MARK1: variants seen among roughly 807,000 people sequenced by gnomAD.
The protein encoded by MARK1 is serine/threonine-protein kinase MARK1.
A neutral mutation model predicts 96.3 loss-of-function variants in MARK1; 40 were observed. The observed-to-expected ratio is 0.42, with a 90% CI of 0.32 to 0.54. The LOEUF is 0.54. Among genes scored for constraint, MARK1 ranks in the 20% least tolerant of loss-of-function variants. The pLI, the probability that MARK1 is intolerant of heterozygous loss-of-function variation, is 0.16. For missense variants in MARK1, 719 were observed against 984.6 expected (o/e 0.73, Z 3.61); for synonymous variants, 317 against 341.2 (o/e 0.93, Z 0.78).
intron 13 of MARK1, among the ~76,000 whole-genome samples, chr1:220,646,676 A>G (rs1024704530): frequency 6.6e-6 from 1 of 152,216 alleles, no homozygotes; most frequent in African/African-American, 2.4e-5. Context: ...ACAGTAACCA[A>G]AACAGCATGG....
intron 5 of MARK1, among the ~76,000 whole-genome samples, chr1:220,600,838 C>G (rs1269993904): frequency 6.6e-6 from 1 of 151,216 alleles, no homozygotes; most frequent in East Asian, 1.9e-4. Context: ...AAGGATTTAT[C>G]TAGTCTGTAG....
intron 1 of MARK1, among the ~76,000 whole-genome samples, chr1:220,555,051 C>T (rs1206383809): frequency 6.6e-6 from 1 of 152,146 alleles, no homozygotes; most frequent in Non-Finnish European, 1.5e-5. Flanking sequence ...TACATGTCTT[C>T]CAACTGTATT....
chr1:220,572,812 T>C (rs2102815456), intron 1 of MARK1, among the ~76,000 whole-genome samples: 1 of 152,332 alleles, frequency 6.6e-6, no homozygotes, highest in East Asian at 1.9e-4. Flanking sequence ...CTTTCATTTC[T>C]TTAGCATTTT....
intron 11 of MARK1, among the ~76,000 whole-genome samples, chr1:220,633,538 G>A (rs1667787248): frequency 1.3e-5 from 2 of 152,302 alleles, no homozygotes; most frequent in African/African-American, 4.8e-5. Flanking sequence ...CTCTCAAGGA[G>A]CCCTTAGTCT....
chr1:220,539,440 G>A (rs988530906), intron 1 of MARK1, among the ~76,000 whole-genome samples: 1 of 152,144 alleles, frequency 6.6e-6, no homozygotes, highest in Non-Finnish European at 1.5e-5. Context: ...TGGTGGATAA[G>A]CTTTTTGATG....
intron 6 of MARK1, among the ~76,000 whole-genome samples, chr1:220,608,215 A>G (rs1419723914): frequency 6.6e-6 from 1 of 152,102 alleles, no homozygotes; most frequent in Non-Finnish European, 1.5e-5. Flanking sequence ...GCTATTAATT[A>G]TTGCCTCAAT....
intron 14 of MARK1, 38 bp from the exon 15 acceptor site, chr1:220,651,948 T>G: frequency 6.9e-7 from 1 of 1,454,770 alleles, no homozygotes; most frequent in Non-Finnish European, 9.2e-7. Flanking sequence ...ATTTTCCTCT[T>G]TTTTTCCATG....
intron 3 of MARK1, 91 bp from the exon 4 acceptor site, chr1:220,598,240 C>T: frequency 2.2e-6 from 1 of 450,132 alleles, no homozygotes; most frequent in Non-Finnish European, 4.4e-6. Context: ...ATTTTGTAAG[C>T]AGATTAATTT....
In MARK1 at chr1:220,618,265, TTATG is replaced by T; in HGVS notation, c.553-42_553-39del. On this transcript the variant is annotated intron_variant, in intron 7 of 17. Transcript: ENST00000366917. The surrounding 1 kb of genome is among the most constrained non-coding windows in gnomAD (Gnocchi z 4.6). ...AAACTCTTTTACAAATATTTTTATT[TTATG>T]TAGGCTTTTTACATTGTTCTTTCTA... The T allele has an allele frequency of 8.3e-7, 1 of 1,203,388 alleles. No individual in the cohort carries two copies. The highest frequency in any genetic ancestry group is 1.2e-6 in the Non-Finnish European group (1 of 826,646). 74.5% of individuals were successfully genotyped at this position (1,203,388 alleles called of 1,614,324 possible). A position where few individuals can be genotyped will look rare whatever the true frequency, so the allele number is the denominator to read the frequency against.
chr1:220,618,287 T>C lies in MARK1; in HGVS notation c.553-23T>C. The C allele has an allele frequency of 7.1e-7, 1 of 1,407,258 alleles. No individual in the cohort carries two copies. Among genetic ancestry groups the C allele is most frequent in the Non-Finnish European group, 1.0e-6 (1 of 994,800 alleles). 87.2% of individuals were successfully genotyped at this position (1,407,258 alleles called of 1,614,324 possible). On this transcript the variant is annotated intron_variant, in intron 7 of 17. Coordinates refer to ENST00000366917, the MANE Select transcript of MARK1 (RefSeq NM_018650.5). The surrounding 1 kb of genome is among the most constrained non-coding windows in gnomAD (Gnocchi z 4.6). ...ATTTTATGTAGGCTTTTTACATTGT[T>C]CTTTCTATTATTTTCCTCTTAGGCT...
At chr1:220,577,247 AC>A (rs1663926183) in intron 1 of MARK1, among the ~76,000 whole-genome samples, 1 of 150,498 alleles carries the variant, frequency 6.6e-6, no homozygotes, top group Non-Finnish European at 1.5e-5. Flanking sequence ...AGCCTGGGTG[AC>A]AGATCAAGAC....
chr1:220,578,837 T>C (rs749190666), intron 1 of MARK1, among the ~76,000 whole-genome samples: 5 of 152,108 alleles, frequency 3.3e-5, no homozygotes, highest in Non-Finnish European at 7.4e-5. Context: ...CCATGTAGAA[T>C]ATTTCACTTT....
At chr1:220,529,145 G>GGGCAGAGAAGCAGAATGGGAT (rs1660135460) in intron 1 of MARK1, among the ~76,000 whole-genome samples, 1 of 152,230 alleles carries the variant, frequency 6.6e-6, no homozygotes, top group Non-Finnish European at 1.5e-5. Flanking sequence ...GGGTGATGGA[G>GGGCAGAGAAGCAGAATGGGAT]GGCAGAGAAG....
chr1:220,580,337 A>T (rs1473723904), intron 2 of MARK1, among the ~76,000 whole-genome samples: 2 of 152,116 alleles, frequency 1.3e-5, no homozygotes, highest in Non-Finnish European at 2.9e-5. Flanking sequence ...TACAGAAATT[A>T]GCTGGGCTTG....
intron 9 of MARK1, among the ~76,000 whole-genome samples, chr1:220,623,860 C>T (rs1667173953): frequency 6.6e-6 from 1 of 152,188 alleles, no homozygotes; most frequent in African/African-American, 2.4e-5. Context: ...GACTTTGCAC[C>T]ATTCCAAATA....
chr1:220,566,181 G>T (rs1007408678), intron 1 of MARK1, among the ~76,000 whole-genome samples: 2 of 152,142 alleles, frequency 1.3e-5, no homozygotes, highest in Non-Finnish European at 2.9e-5. Context: ...TTGAGTAAAT[G>T]ATGACTGCTA....
rs1290397725 is a variant in MARK1, at chr1:220,528,709, G to T, written c.-114G>T. Reference sequence around the variant, plus strand: ...TGTTGCACCGCCCCGCGGCCTGCGGGAGCCGCTCGCCCCGGCCTTGTGCTC... The same window carrying T: ...TGTTGCACCGCCCCGCGGCCTGCGGTAGCCGCTCGCCCCGGCCTTGTGCTC... On this transcript the variant is annotated 5_prime_UTR_variant, in exon 1 of 18. Transcript: ENST00000366917. 1 of 904,860 alleles carries T rather than the reference G, an allele frequency of 1.1e-6. No homozygotes were observed. Among genetic ancestry groups the T allele is most frequent in the African/African-American group, 1.8e-5 (1 of 56,036 alleles). The allele number at this position is 904,860 out of a possible 1,614,324, so 56.1% of individuals were successfully genotyped here.
At chr1:220,613,960 G>A (rs4011894) in intron 6 of MARK1, among the ~76,000 whole-genome samples, 28,042 of 151,812 alleles carry the variant, frequency 0.18, 3,274 homozygotes, top group East Asian at 0.34. Flanking sequence ...GGTTTGGTTT[G>A]GTTTTGTGGG....
At chr1:220,560,794 C>G (rs1038403783) in intron 1 of MARK1, among the ~76,000 whole-genome samples, 44 of 152,108 alleles carry the variant, frequency 2.9e-4, no homozygotes, top group African/African-American at 9.9e-4. Flanking sequence ...CATGGTTGAC[C>G]TTAGGTAACT....
Sources: allele counts gnomAD v4.1 joint callset (sites outside exome capture counted in the v4.1 genomes callset), GRCh38; gene constraint gnomAD v4.1.1; non-coding constraint Gnocchi (gnomAD v3.1); transcripts MANE v1.5; gene names NCBI Gene and HGNC (gene_info 2026-07-23, HGNC 2026-07-21).